Variants in CHEK1 observed in about 807,000 individuals in gnomAD.
CHEK1 encodes the protein serine/threonine-protein kinase Chk1.
CHEK1 carries 32 observed loss-of-function variants against 60.2 expected under a neutral mutation model. The ratio of observed to expected loss-of-function variants is 0.53; its 90% CI spans 0.40 to 0.71. The LOEUF (loss-of-function observed/expected upper bound fraction) is 0.71. Among genes scored for constraint, CHEK1 ranks in the 30% least tolerant of loss-of-function variants. CHEK1 has a pLI of 0.00. For missense variants in CHEK1, 399 were observed against 564.6 expected (o/e 0.71, Z 2.97); for synonymous variants, 179 against 187.2 (o/e 0.96, Z 0.36).
chr11:125,671,275 CA>C lies in CHEK1; in HGVS notation c.*28-4643del, dbSNP rs34068545. On this transcript the variant is annotated intron_variant, in intron 13 of 13. Transcript: ENST00000428830. ...TAGACTATTATTTATCTTCTCCCTT[CA>C]AAAAAAAAAGTTATTAGTGTTGACA... 4.6e-3 allele frequency among the ~76,000 whole-genome samples: 690 copies of C among 148,782 alleles called. 6 individuals are homozygous for C. Among genetic ancestry groups the C allele is most frequent in the African/African-American group, 0.015 (628 of 40,746 alleles).
At position 125,674,706 on chromosome 11, in the gene CHEK1, T is replaced by G. The variant is rs1942398379; in HGVS notation, c.*28-1222T>G. ...CCTGGATGGGCTACTGGCTCTGCCT[T>G]TTCCTAGTAACAGGTCTTTAGGCAA... On this transcript the variant is annotated intron_variant, in intron 13 of 13. Transcript: ENST00000428830. Among the ~76,000 whole-genome samples the G allele has an allele frequency of 3.3e-5, 5 of 152,366 alleles. No individual in the cohort carries two copies. In the South Asian group the frequency reaches 1.0e-3, roughly 32 times the overall value.
intron 8 of CHEK1, among the ~76,000 whole-genome samples, chr11:125,640,112 C>A (rs1022120335): frequency 6.6e-6 from 1 of 152,166 alleles, no homozygotes; most frequent in African/African-American, 2.4e-5. Flanking sequence ...AACTAGTTTT[C>A]AATTTCATCT....
downstream of CHEK1, chr11:125,680,858 G>C: frequency 6.0e-6 from 7 of 1,176,320 alleles, no homozygotes; most frequent in South Asian, 9.0e-5. Context: ...GCGAGCAAAA[G>C]CTTCCAGTGC....
chr11:125,640,798 A>G (rs1270435370), intron 8 of CHEK1, among the ~76,000 whole-genome samples: 1 of 152,028 alleles, frequency 6.6e-6, no homozygotes, highest in Admixed American at 6.5e-5. Context: ...TACCAAAAAT[A>G]CAAAAATTAG....
intron 6 of CHEK1, among the ~76,000 whole-genome samples, chr11:125,634,902 G>A (rs1941005103): frequency 6.6e-6 from 1 of 151,424 alleles, no homozygotes; most frequent in South Asian, 2.1e-4. Flanking sequence ...TCTCTCCTGT[G>A]TATCATGTAA....
At chr11:125,630,517 G>A (rs1233479302) in intron 5 of CHEK1, among the ~76,000 whole-genome samples, 2 of 151,572 alleles carry the variant, frequency 1.3e-5, no homozygotes, top group African/African-American at 4.8e-5. Flanking sequence ...TGTCATATTG[G>A]CCAGGCTGGT....
intron 13 of CHEK1, chr11:125,672,390 T>A: frequency 5.7e-6 from 3 of 530,916 alleles, no homozygotes; most frequent in Non-Finnish European, 3.2e-6. Context: ...AGAGAAAGAG[T>A]TGGAGCAGGG....
chr11:125,644,302 G>A (rs767457693), intron 10 of CHEK1, 34 bp downstream of exon 10: 1 of 1,572,408 alleles, frequency 6.4e-7, no homozygotes, highest in East Asian at 2.2e-5. Flanking sequence ...AGTAATGGCA[G>A]CTCTTTATTT....
At chr11:125,640,211 A>G (rs546914568) in intron 8 of CHEK1, among the ~76,000 whole-genome samples, 6 of 152,340 alleles carry the variant, frequency 3.9e-5, no homozygotes, top group Non-Finnish European at 8.8e-5. Flanking sequence ...GTCTGAAAAG[A>G]TTAAATGGAA....
At position 125,672,650 on chromosome 11, in the gene CHEK1, A is replaced by G. The variant is rs769979057; in HGVS notation, c.*28-3278A>G. On this transcript the variant is annotated intron_variant, in intron 13 of 13. Transcript: ENST00000428830. ...AGCATATAATTTGCATCCTCGTTCC[A>G]TGGGAGAAGAGGTTCATAGATGGGC... 18 of 1,614,024 alleles carry G rather than the reference A, an allele frequency of 1.1e-5. No homozygotes were observed. In the South Asian group the frequency reaches 1.2e-4, roughly 11 times the overall value.
chr11:125,673,230 A>C (rs1278612016), intron 13 of CHEK1, among the ~76,000 whole-genome samples: 2 of 144,702 alleles, frequency 1.4e-5, no homozygotes, highest in Admixed American at 1.4e-4. Context: ...TTTTTGAGAC[A>C]ATCTCGCTCT....
At chr11:125,635,699 T>G (rs1465746990) in intron 7 of CHEK1, 166 bp downstream of exon 7, 3 of 451,408 alleles carry the variant, frequency 6.6e-6, no homozygotes, top group Non-Finnish European at 1.2e-5. Flanking sequence ...AAAATAACTC[T>G]TTAGTCCCAG....
At chr11:125,664,232 ATT>A (rs34554687) in intron 13 of CHEK1, among the ~76,000 whole-genome samples, 134 of 129,246 alleles carry the variant, frequency 1.0e-3, no homozygotes, top group African/African-American at 7.4e-4. Flanking sequence ...ATGTTGAACT[ATT>A]TTTTTTTTTT....
At chr11:125,632,108 TA>T (rs1940889937) in intron 5 of CHEK1, among the ~76,000 whole-genome samples, 2 of 152,202 alleles carry the variant, frequency 1.3e-5, no homozygotes, top group African/African-American at 2.4e-5. Flanking sequence ...TATGCTATAA[TA>T]TTTTTTATGC....
intron 3 of CHEK1, among the ~76,000 whole-genome samples, chr11:125,628,901 A>G (rs1940741142): frequency 6.6e-6 from 1 of 152,236 alleles, no homozygotes; most frequent in African/African-American, 2.4e-5. Flanking sequence ...TAATTAGCAT[A>G]GCATTTAGAA....
intron 1 of CHEK1, chr11:125,626,481 A>C: frequency 4.0e-6 from 2 of 504,442 alleles, no homozygotes; most frequent in Middle Eastern, 5.3e-4. Flanking sequence ...CCACCTCTTC[A>C]TAACAACAAT....
At chr11:125,665,363 T>G (rs555599751) in intron 13 of CHEK1, among the ~76,000 whole-genome samples, 22 of 151,982 alleles carry the variant, frequency 1.4e-4, no homozygotes, top group Non-Finnish European at 2.9e-4. Context: ...TTTTAATGTG[T>G]TTTTTGGATT....
chr11:125,664,189 A>G (rs1026194923), intron 13 of CHEK1, among the ~76,000 whole-genome samples: 2 of 151,778 alleles, frequency 1.3e-5, no homozygotes, highest in Admixed American at 6.6e-5. Context: ...TGGTATCTCA[A>G]TGTGGTAATA....
chr11:125,646,040 A>G (rs1591411414), intron 11 of CHEK1, among the ~76,000 whole-genome samples: 1 of 152,136 alleles, frequency 6.6e-6, no homozygotes, highest in Non-Finnish European at 1.5e-5. Context: ...TTTTTAGTAT[A>G]TTCACAAGGT....
Sources: allele counts gnomAD v4.1 joint callset (sites outside exome capture counted in the v4.1 genomes callset), GRCh38; gene constraint gnomAD v4.1.1; transcripts MANE v1.5; gene names NCBI Gene and HGNC (gene_info 2026-07-23, HGNC 2026-07-21).